WWOX: variants seen among roughly 807,000 people sequenced by gnomAD.
WWOX encodes WW domain containing oxidoreductase.
Under a neutral mutation model 46.2 loss-of-function variants are expected in WWOX, and 69 were observed. The ratio of observed to expected loss-of-function variants is 1.49; its 90% CI spans 1.23 to 1.82. The LOEUF is 1.82. Ranked by LOEUF, WWOX falls within the 40% of genes most tolerant of loss-of-function variation. The pLI is 0.00. For missense variants in WWOX, 919 were observed against 542.6 expected (o/e 1.69, Z -6.89); for synonymous variants, 359 against 202.6 (o/e 1.77, Z -6.56).
intron 5 of WWOX, among the ~76,000 whole-genome samples, chr16:78,223,184 G>A (rs990154391): frequency 6.6e-6 from 1 of 152,150 alleles, no homozygotes; most frequent in African/African-American, 2.4e-5. Context: ...CTGTACCAAG[G>A]GTGACTCTGC....
At chr16:78,723,951 T>G (rs945678678) in intron 8 of WWOX, among the ~76,000 whole-genome samples, 3 of 152,162 alleles carry the variant, frequency 2.0e-5, no homozygotes, top group African/African-American at 7.2e-5. Flanking sequence ...CACAGTGGTT[T>G]CACCATCCAT....
chr16:78,899,831 G>A (rs1032166280), intron 8 of WWOX, among the ~76,000 whole-genome samples: 1 of 152,198 alleles, frequency 6.6e-6, no homozygotes, highest in African/African-American at 2.4e-5. Context: ...CGCGTGGTCT[G>A]TTTTGTTCCA....
intron 8 of WWOX, among the ~76,000 whole-genome samples, chr16:78,659,632 T>C (rs1267303813): frequency 5.3e-5 from 8 of 152,214 alleles, no homozygotes; most frequent in Admixed American, 2.0e-4. Context: ...TACTCATCTC[T>C]GCCTCCATCG....
chr16:79,170,155 G>A (rs1194886167), intron 8 of WWOX, among the ~76,000 whole-genome samples: 1 of 152,188 alleles, frequency 6.6e-6, no homozygotes, highest in South Asian at 2.1e-4. Context: ...CAATAACCCA[G>A]TCTAACCATG....
chr16:78,911,677 C>A (rs1351836457), intron 8 of WWOX, among the ~76,000 whole-genome samples: 3 of 151,936 alleles, frequency 2.0e-5, no homozygotes, highest in Admixed American at 1.3e-4. Context: ...ACCAGCCTGG[C>A]CAACATGGTT....
chr16:78,755,843 C>G (rs1046206674), intron 8 of WWOX, among the ~76,000 whole-genome samples: 6 of 152,218 alleles, frequency 3.9e-5, no homozygotes, highest in East Asian at 3.8e-4. Context: ...AGTAACCACC[C>G]CAGATTTTTC....
rs534243863 is a variant in WWOX at position 78,550,500 on chromosome 16, T to A, written c.1056+117748T>A. Among the ~76,000 whole-genome samples the A allele has an allele frequency of 2.7e-4, 41 of 152,354 alleles. 1 individual carries two copies. Among genetic ancestry groups the A allele is most frequent in the African/African-American group, 9.6e-4 (40 of 41,592 alleles). ...TTTGCTGGCCTCTGGTCAAGAGCAC[T>A]TGTTTGTCTGGGAGACATAATTTCA... On this transcript the variant is annotated intron_variant, in intron 8 of 8. Coordinates refer to ENST00000566780, the MANE Select transcript of WWOX (RefSeq NM_016373.4).
At chr16:78,275,377 G>T (rs2079558438) in intron 5 of WWOX, among the ~76,000 whole-genome samples, 1 of 152,146 alleles carries the variant, frequency 6.6e-6, no homozygotes, top group Non-Finnish European at 1.5e-5. Context: ...GTGCCCACCG[G>T]GTCAGCTCAC....
At chr16:78,953,086 A>G (rs1305630546) in intron 8 of WWOX, among the ~76,000 whole-genome samples, 3 of 151,792 alleles carry the variant, frequency 2.0e-5, no homozygotes, top group African/African-American at 7.3e-5. Context: ...ACCATATACC[A>G]ACCAAATTGA....
chr16:78,323,613 A>C (rs2080540139), intron 5 of WWOX, among the ~76,000 whole-genome samples: 1 of 152,044 alleles, frequency 6.6e-6, no homozygotes, highest in Admixed American at 6.5e-5. Context: ...CATGCCCACT[A>C]TTTGGTTGTG....
intron 5 of WWOX, among the ~76,000 whole-genome samples, chr16:78,374,604 A>G (rs1426931610): frequency 7.6e-6 from 1 of 130,920 alleles, no homozygotes; most frequent in Non-Finnish European, 1.5e-5. Flanking sequence ...GCTGGAGTGC[A>G]GTGGCGCGAT....
intron 8 of WWOX, among the ~76,000 whole-genome samples, chr16:78,757,478 A>G (rs1406453214): frequency 1.3e-5 from 2 of 152,156 alleles, no homozygotes; most frequent in Non-Finnish European, 2.9e-5. Context: ...AATACCATCT[A>G]GGACCCTGGC....
chr16:78,835,145 C>G (rs116204508), intron 8 of WWOX, among the ~76,000 whole-genome samples: 183 of 152,262 alleles, frequency 1.2e-3, no homozygotes, highest in African/African-American at 4.0e-3. Context: ...TCCAGTGTAT[C>G]TTGCTCCGAC....
chr16:78,212,576 C>G (rs1289650945), intron 5 of WWOX, among the ~76,000 whole-genome samples: 3 of 152,150 alleles, frequency 2.0e-5, no homozygotes, highest in Non-Finnish European at 4.4e-5. Flanking sequence ...CACCTAGGTC[C>G]CCTTCATGAC....
At chr16:78,113,562 C>T (rs1044518467) in intron 3 of WWOX, among the ~76,000 whole-genome samples, 3 of 152,136 alleles carry the variant, frequency 2.0e-5, no homozygotes, top group African/African-American at 7.2e-5. Context: ...AATTGGCTCC[C>T]CTGGCTAGTT....
At chr16:79,016,530 C>G (rs1351701327) in intron 8 of WWOX, 1 of 152,394 alleles carries the variant, frequency 6.6e-6, no homozygotes, top group African/African-American at 2.4e-5. Flanking sequence ...TCAAGCGATT[C>G]TCATGCCTCA....
intron 8 of WWOX, among the ~76,000 whole-genome samples, chr16:78,522,484 G>A (rs149317566): frequency 6.6e-6 from 1 of 152,168 alleles, no homozygotes; most frequent in African/African-American, 2.4e-5. Context: ...CTCTGTCTCC[G>A]ATGTCACTCT....
intron 8 of WWOX, among the ~76,000 whole-genome samples, chr16:79,092,343 C>T (rs1045787353): frequency 6.6e-6 from 1 of 152,148 alleles, no homozygotes; most frequent in Non-Finnish European, 1.5e-5. Flanking sequence ...GGCTTGAAAA[C>T]AGGGCAGTAA....
chr16:78,948,810 C>T (rs1264429315), intron 8 of WWOX, among the ~76,000 whole-genome samples: 1 of 152,094 alleles, frequency 6.6e-6, no homozygotes, highest in Admixed American at 6.6e-5. Context: ...GGTAACTAAT[C>T]AGCTGACTTT....
Sources: allele counts gnomAD v4.1 joint callset (sites outside exome capture counted in the v4.1 genomes callset), GRCh38; gene constraint gnomAD v4.1.1; transcripts MANE v1.5; gene names NCBI Gene and HGNC (gene_info 2026-07-23, HGNC 2026-07-21).